The following MTA3 variants were observed in gnomAD, a reference collection of about 807,000 sequenced individuals.
MTA3 encodes metastasis associated 1 family member 3.
MTA3 carries 34 observed loss-of-function variants against 83.5 expected under a neutral mutation model. The observed-to-expected ratio is 0.41, with a 90% CI of 0.31 to 0.54. MTA3 has a LOEUF of 0.54. Ranked by LOEUF, MTA3 falls within the 20% of genes least tolerant of loss-of-function variation. The probability of loss-of-function intolerance (pLI) is 0.33; values close to 1 mark genes in which losing one functional copy is unlikely to be tolerated. For missense variants in MTA3, 761 were observed against 726.4 expected (o/e 1.05, Z -0.55); for synonymous variants, 303 against 252.7 (o/e 1.20, Z -1.89).
chr2:42,609,681 C>A, intron 4 of MTA3, 97 bp downstream of exon 4: 1 of 1,338,694 alleles, frequency 7.5e-7, no homozygotes, highest in Non-Finnish European at 1.0e-6. Context: ...CAGGATCTTG[C>A]TTAAACTACT....
At chr2:42,695,063 G>C (rs1189015887) in intron 9 of MTA3, among the ~76,000 whole-genome samples, 1 of 152,172 alleles carries the variant, frequency 6.6e-6, no homozygotes, top group Non-Finnish European at 1.5e-5. Flanking sequence ...TAGAGCCTGG[G>C]AGGTTGAGAC....
intron 8 of MTA3, among the ~76,000 whole-genome samples, chr2:42,662,562 T>C (rs1689820268): frequency 6.6e-6 from 1 of 151,912 alleles, no homozygotes; most frequent in African/African-American, 2.4e-5. Flanking sequence ...TACTTAGGCC[T>C]GTTTATAGAC....
intron 4 of MTA3, chr2:42,614,069 T>G (rs767986266): frequency 1.3e-5 from 2 of 152,224 alleles, no homozygotes; most frequent in Non-Finnish European, 2.9e-5. Context: ...AGTTCCAATA[T>G]GTGTGTATGA....
At chr2:42,564,998 G>A (rs1227091966), upstream of MTA3, among the ~76,000 whole-genome samples, 2 of 151,978 alleles carry the variant, frequency 1.3e-5, no homozygotes, top group African/African-American at 4.8e-5. Flanking sequence ...GGCTGGTCTC[G>A]AACTCCTGAC....
chr2:42,512,009 T>TC (rs1381290775), intron 2 of MTA3, among the ~76,000 whole-genome samples: 1 of 151,684 alleles, frequency 6.6e-6, no homozygotes, highest in African/African-American at 2.4e-5. Context: ...AGAGCGAGAC[T>TC]CCATCTCAAA....
At chr2:42,654,723 T>TC (rs1689007274) in intron 6 of MTA3, among the ~76,000 whole-genome samples, 2 of 152,194 alleles carry the variant, frequency 1.3e-5, no homozygotes, top group African/African-American at 2.4e-5. Context: ...GAAGCAGCCT[T>TC]TCCACCTCAG....
intron 9 of MTA3, among the ~76,000 whole-genome samples, chr2:42,692,057 G>A (rs938673762): frequency 5.3e-5 from 8 of 151,744 alleles, no homozygotes; most frequent in African/African-American, 1.9e-4. Context: ...TAATCTTCCT[G>A]CCCCTCTTTC....
intron 3 of MTA3, among the ~76,000 whole-genome samples, chr2:42,594,107 A>G (rs1004085654): frequency 2.6e-5 from 4 of 151,958 alleles, no homozygotes; most frequent in African/African-American, 9.7e-5. Context: ...GCACACCACC[A>G]TGCCTGGCTA....
At chr2:42,721,883 T>C (rs749919514) in intron 15 of MTA3, among the ~76,000 whole-genome samples, 2 of 152,114 alleles carry the variant, frequency 1.3e-5, no homozygotes, top group Non-Finnish European at 2.9e-5. Context: ...AAACTTGTCA[T>C]GTCATGTTGG....
At chr2:42,734,627 C>CT (rs1469566631) in intron 16 of MTA3, among the ~76,000 whole-genome samples, 3 of 151,866 alleles carry the variant, frequency 2.0e-5, no homozygotes, top group Admixed American at 6.6e-5. Flanking sequence ...TCTTCTCTTC[C>CT]TTCTTCCTTC....
intron 4 of MTA3, among the ~76,000 whole-genome samples, chr2:42,611,313 C>G (rs1029503278): frequency 8.6e-5 from 6 of 69,896 alleles, no homozygotes; most frequent in Admixed American, 3.5e-4. Flanking sequence ...AGCTCTGGTA[C>G]TTAACACATA....
rs375118437 is a variant in MTA3, at chr2:42,606,304, C to T, written c.191-3154C>T. Among the ~76,000 whole-genome samples, 97 of 97,840 alleles carry T rather than the reference C, an allele frequency of 9.9e-4. 1 individual carries two copies. The highest frequency in any genetic ancestry group is 5.1e-3 in the South Asian group (14 of 2,726). The allele number at this position is 97,840 out of a possible 152,430, so 64.2% of individuals were successfully genotyped here. On this transcript the variant is annotated intron_variant, in intron 3 of 16. Transcript: ENST00000405094. ...CGGAGACGCTCCTCACTTCCCAGAT[C>T]GGGTGGCTGCCGGGCGGAGAGGCTC...
chr2:42,559,669 G>A (rs1417482088), intron 2 of MTA3, among the ~76,000 whole-genome samples: 6 of 147,926 alleles, frequency 4.1e-5, no homozygotes, highest in South Asian at 2.2e-4. Flanking sequence ...ACCTGAGGTC[G>A]GGAGTTCGAG....
At chr2:42,609,753 A>C (rs1683953303) in intron 4 of MTA3, among the ~76,000 whole-genome samples, 169 bp downstream of exon 4, 1 of 152,184 alleles carries the variant, frequency 6.6e-6, no homozygotes, top group Admixed American at 6.5e-5. Context: ...TACCATATTA[A>C]AGCCCCACAA....
At chr2:42,591,561 A>T (rs79578765) in intron 3 of MTA3, among the ~76,000 whole-genome samples, 3,192 of 152,242 alleles carry the variant, frequency 0.021, 107 homozygotes, top group African/African-American at 0.073. Context: ...ACAACTTAAA[A>T]CACAAACACA....
intron 8 of MTA3, among the ~76,000 whole-genome samples, chr2:42,675,297 A>G (rs1017984034): frequency 2.0e-5 from 3 of 151,394 alleles, no homozygotes; most frequent in African/African-American, 4.9e-5. Flanking sequence ...CACCACACCC[A>G]GCTAATTTTT....
chr2:42,601,742 C>T (rs764542477), intron 3 of MTA3, among the ~76,000 whole-genome samples: 3 of 151,858 alleles, frequency 2.0e-5, no homozygotes, highest in South Asian at 2.1e-4. Context: ...TGCAGGGTTG[C>T]GATCTCAGCT....
intron 16 of MTA3, among the ~76,000 whole-genome samples, chr2:42,730,205 CT>C (rs1018915468): frequency 8.6e-5 from 13 of 151,404 alleles, no homozygotes; most frequent in African/African-American, 2.7e-4. Context: ...AATTTGATGA[CT>C]TTTTTTTTCT....
intron 4 of MTA3, among the ~76,000 whole-genome samples, chr2:42,626,004 G>A (rs1263412894): frequency 2.7e-5 from 4 of 145,994 alleles, no homozygotes; most frequent in Admixed American, 2.0e-4. Context: ...GTGCAGTGGC[G>A]CAATCTCGGC....
Sources: allele counts gnomAD v4.1 joint callset (sites outside exome capture counted in the v4.1 genomes callset), GRCh38; gene constraint gnomAD v4.1.1; transcripts MANE v1.5; gene names NCBI Gene and HGNC (gene_info 2026-07-23, HGNC 2026-07-21).